The following EBF1 variants were observed in gnomAD, a reference collection of about 807,000 sequenced individuals.
EBF1 encodes the protein EBF transcription factor 1, also known as transcription factor COE1.
In EBF1, 10 loss-of-function variants were observed where a neutral mutation model predicts 68.4. That is an observed-to-expected ratio of 0.15 (90% confidence interval 0.09 to 0.25). EBF1 has a LOEUF of 0.25. Ranked by LOEUF, EBF1 falls within the 10% of genes least tolerant of loss-of-function variation. The pLI is 1.00. For missense variants in EBF1, 509 were observed against 794.4 expected, an observed-to-expected ratio of 0.64 and a Z score of 4.32; for synonymous variants, 298 against 299.8, an observed-to-expected ratio of 0.99 and a Z score of 0.06.
At chr5:158,939,888 A>C (rs1348077460) in intron 6 of EBF1, among the ~76,000 whole-genome samples, 1 of 152,110 alleles carries the variant, frequency 6.6e-6, no homozygotes, top group African/African-American at 2.4e-5. Flanking sequence ...GCTAACAAAC[A>C]CCATGGATTA....
At chr5:158,869,043 G>A (rs570005510) in intron 6 of EBF1, among the ~76,000 whole-genome samples, 7 of 152,080 alleles carry the variant, frequency 4.6e-5, no homozygotes, top group East Asian at 1.9e-4. Flanking sequence ...CTTTTTCTCC[G>A]TCCAGGACTG....
At chr5:158,758,004 G>A (rs1489829678) in intron 10 of EBF1, among the ~76,000 whole-genome samples, 1 of 152,160 alleles carries the variant, frequency 6.6e-6, no homozygotes, top group African/African-American at 2.4e-5. Context: ...ACCACTTAAA[G>A]TCTTTAATAA....
At chr5:158,973,600 T>A (rs1440621343) in intron 6 of EBF1, among the ~76,000 whole-genome samples, 1 of 152,190 alleles carries the variant, frequency 6.6e-6, no homozygotes, top group Admixed American at 6.5e-5. Flanking sequence ...TTAAATTTAA[T>A]GTCTGAGCTC....
At chr5:158,931,366 G>A (rs1409020109) in intron 6 of EBF1, among the ~76,000 whole-genome samples, 1 of 152,188 alleles carries the variant, frequency 6.6e-6, no homozygotes, top group African/African-American at 2.4e-5. Context: ...TAACTACTGT[G>A]AATGAAAAAT....
chr5:158,799,013 A>G (rs527733796), intron 8 of EBF1, among the ~76,000 whole-genome samples: 1 of 152,288 alleles, frequency 6.6e-6, no homozygotes, highest in African/African-American at 2.4e-5. Context: ...CTGTTATAAC[A>G]TATTAGTCTT....
chr5:159,030,670 G>A (rs1483832298), intron 6 of EBF1, among the ~76,000 whole-genome samples: 5 of 152,204 alleles, frequency 3.3e-5, no homozygotes, highest in Non-Finnish European at 5.9e-5. Flanking sequence ...CTGGGAAAGA[G>A]AAAGAAGTCT....
At chr5:159,060,933 T>TACACAC (rs72070397) in intron 6 of EBF1, among the ~76,000 whole-genome samples, 2,714 of 143,746 alleles carry the variant, frequency 0.019, 34 homozygotes, top group African/African-American at 0.032. Flanking sequence ...TAAAGCTACA[T>TACACAC]ACACACACAC....
intron 6 of EBF1, among the ~76,000 whole-genome samples, chr5:158,841,672 T>C (rs1458758884): frequency 6.6e-6 from 1 of 152,192 alleles, no homozygotes; most frequent in Non-Finnish European, 1.5e-5. Flanking sequence ...ACTGGGATCC[T>C]CTATAACAAC....
intron 6 of EBF1, among the ~76,000 whole-genome samples, chr5:158,931,771 G>A (rs1810939327): frequency 6.6e-6 from 1 of 151,922 alleles, no homozygotes. Flanking sequence ...ATAGAGAGAG[G>A]CATAGGGGCA....
rs577471094 is a variant in EBF1, at chr5:158,963,344, G to A, written c.554+110052C>T. 1.0e-3 allele frequency among the ~76,000 whole-genome samples: 159 copies of A among 152,214 alleles called. 2 individuals are homozygous for A. Among genetic ancestry groups the A allele is most frequent in the African/African-American group, 3.5e-3 (146 of 41,540 alleles). ...ATGATACTTTGCTATTAACTTTTAC[G>A]GAATGACAGTACAGGTTCTTTGAAG... On this transcript the variant is annotated intron_variant, in intron 6 of 15. Transcript: ENST00000313708.
At chr5:158,969,447 A>G (rs1191244033) in intron 6 of EBF1, among the ~76,000 whole-genome samples, 2 of 152,028 alleles carry the variant, frequency 1.3e-5, no homozygotes, top group African/African-American at 4.8e-5. Flanking sequence ...GGAGAAAAGA[A>G]TAAAAATTAA....
At chr5:158,793,435 A>G (rs1779032364) in intron 9 of EBF1, among the ~76,000 whole-genome samples, 2 of 152,128 alleles carry the variant, frequency 1.3e-5, no homozygotes, top group South Asian at 2.1e-4. Flanking sequence ...CACTACTACA[A>G]TTACTATTAC....
intron 6 of EBF1, among the ~76,000 whole-genome samples, chr5:158,958,782 C>T (rs1193506024): frequency 6.6e-6 from 1 of 152,094 alleles, no homozygotes; most frequent in South Asian, 2.1e-4. Context: ...CAACCAGAAA[C>T]GCCGTTTTCT....
chr5:159,000,255 AT>A, intron 6 of EBF1, among the ~76,000 whole-genome samples: 1 of 152,358 alleles, frequency 6.6e-6, no homozygotes, highest in East Asian at 1.9e-4. Context: ...TACTAATTTT[AT>A]TAAACTTTTT....
chr5:158,757,814 A>G (rs1296489166), intron 10 of EBF1, among the ~76,000 whole-genome samples: 2 of 152,198 alleles, frequency 1.3e-5, no homozygotes, highest in Admixed American at 6.6e-5. Flanking sequence ...TGTGTGGTAG[A>G]GTAAGTGCTT....
At chr5:158,784,872 C>T (rs1330548042) in intron 9 of EBF1, among the ~76,000 whole-genome samples, 1 of 152,066 alleles carries the variant, frequency 6.6e-6, no homozygotes, top group African/African-American at 2.4e-5. Flanking sequence ...GCATGCTAGC[C>T]CATTCACTCA....
In EBF1 at chr5:159,040,903, T is replaced by C. The variant is rs138602806; in HGVS notation, c.554+32493A>G. ...GTGACATATACTCATGTAGGGAGAA[T>C]AGACCACTCTCTACATGTGAATTTA... On this transcript the variant is annotated intron_variant, in intron 6 of 15. Coordinates refer to ENST00000313708, the MANE Select transcript of EBF1 (RefSeq NM_024007.5). Among the ~76,000 whole-genome samples the C allele has an allele frequency of 5.9e-5, 9 of 152,316 alleles. No homozygotes were observed. The East Asian group carries it at 1.5e-3, about 26-fold the overall frequency.
chr5:159,069,523 A>C (rs1777448568), intron 6 of EBF1, among the ~76,000 whole-genome samples: 1 of 152,136 alleles, frequency 6.6e-6, no homozygotes, highest in African/African-American at 2.4e-5. Flanking sequence ...GAAAATAAAG[A>C]GTTTGGGGAA....
At chr5:158,859,630 C>T (rs1338283269) in intron 6 of EBF1, among the ~76,000 whole-genome samples, 1 of 152,192 alleles carries the variant, frequency 6.6e-6, no homozygotes, top group Non-Finnish European at 1.5e-5. Context: ...AAAGCTGCCC[C>T]TCACTTAACC....
Sources: gnomAD v4.1 joint callset for allele counts (sites outside exome capture counted in the v4.1 genomes callset) on GRCh38, gnomAD v4.1.1 for gene constraint, MANE v1.5 for transcripts, NCBI Gene and HGNC (gene_info 2026-07-23, HGNC 2026-07-21) for gene names.